MARCHF1: variants seen among roughly 807,000 people sequenced by gnomAD.
MARCHF1 encodes the protein E3 ubiquitin-protein ligase MARCHF1.
A neutral mutation model predicts 54.2 loss-of-function variants in MARCHF1; 40 were observed. The observed-to-expected ratio is 0.74, with a 90% CI of 0.57 to 0.96. MARCHF1 has a LOEUF of 0.96. Ranked by LOEUF, MARCHF1 falls within the 40% of genes least tolerant of loss-of-function variation. MARCHF1 has a pLI of 0.00. For missense variants in MARCHF1, 586 were observed against 656.5 expected, an observed-to-expected ratio of 0.89 and a Z score of 1.17; for synonymous variants, 236 against 236.3, an observed-to-expected ratio of 1.00 and a Z score of 0.01.
intron 1 of MARCHF1, among the ~76,000 whole-genome samples, chr4:164,350,449 T>C (rs1319457554): frequency 2.0e-5 from 3 of 152,174 alleles, no homozygotes; most frequent in African/African-American, 7.2e-5. Context: ...CACCATAGGA[T>C]GAATATATTT....
intron 1 of MARCHF1, among the ~76,000 whole-genome samples, chr4:164,270,231 A>C (rs558784977): frequency 2.0e-5 from 3 of 152,292 alleles, no homozygotes; most frequent in South Asian, 4.1e-4. Context: ...TTGTTACTGC[A>C]TCTGCCTGGA....
At chr4:163,780,101 T>A (rs1015708779) in intron 4 of MARCHF1, among the ~76,000 whole-genome samples, 1 of 152,106 alleles carries the variant, frequency 6.6e-6, no homozygotes, top group Non-Finnish European at 1.5e-5. Context: ...CAGTCAAAAG[T>A]TTACAGATAT....
chr4:163,545,764 C>A, intron 8 of MARCHF1, 21 bp from the exon 9 acceptor site: 2 of 1,609,500 alleles, frequency 1.2e-6, no homozygotes, highest in South Asian at 2.2e-5. Context: ...AAATGAAGGA[C>A]ACAAAACTGA....
chr4:163,882,276 T>C (rs2111246319), intron 3 of MARCHF1, among the ~76,000 whole-genome samples: 1 of 152,348 alleles, frequency 6.6e-6, no homozygotes, highest in South Asian at 2.1e-4. Context: ...TGAATTACTT[T>C]AACCTCTTTT....
At chr4:164,195,081 C>T (rs572698591) in intron 1 of MARCHF1, among the ~76,000 whole-genome samples, 1 of 151,894 alleles carries the variant, frequency 6.6e-6, no homozygotes, top group Non-Finnish European at 1.5e-5. Flanking sequence ...GTTTTCTGCC[C>T]TTGTGTTAGT....
chr4:164,256,655 G>GA (rs764847479), intron 1 of MARCHF1, among the ~76,000 whole-genome samples: 19 of 151,998 alleles, frequency 1.3e-4, no homozygotes, highest in Non-Finnish European at 2.5e-4. Flanking sequence ...AGAATATCAA[G>GA]AAAAATATTA....
At chr4:164,325,541 A>T (rs186082854) in intron 1 of MARCHF1, among the ~76,000 whole-genome samples, 64 of 152,160 alleles carry the variant, frequency 4.2e-4, no homozygotes, top group Non-Finnish European at 7.4e-4. Flanking sequence ...AAGAAAAGGT[A>T]AAACAAAACT....
chr4:163,795,387 G>A (rs980342802), intron 4 of MARCHF1, among the ~76,000 whole-genome samples: 5 of 151,978 alleles, frequency 3.3e-5, no homozygotes, highest in Admixed American at 1.3e-4. Context: ...ACACCACCAG[G>A]CCCAGCTAAT....
intron 3 of MARCHF1, among the ~76,000 whole-genome samples, chr4:163,925,369 T>A (rs1751515021): frequency 6.6e-6 from 1 of 151,834 alleles, no homozygotes; most frequent in South Asian, 2.1e-4. Context: ...CCCAACTCAA[T>A]ACCTGAATGT....
intron 1 of MARCHF1, among the ~76,000 whole-genome samples, chr4:164,215,470 G>A (rs1731903625): frequency 6.6e-6 from 1 of 152,004 alleles, no homozygotes; most frequent in South Asian, 2.1e-4. Context: ...GAGTAGTCTT[G>A]GGAAATGCAA....
intron 1 of MARCHF1, among the ~76,000 whole-genome samples, chr4:164,344,563 A>T (rs1017491956): frequency 2.0e-5 from 3 of 151,844 alleles, no homozygotes; most frequent in South Asian, 2.1e-4. Flanking sequence ...TTGTATATTT[A>T]ATTTTCTGTG....
chr4:164,213,283 G>C (rs1174069221), intron 1 of MARCHF1, among the ~76,000 whole-genome samples: 1 of 150,336 alleles, frequency 6.7e-6, no homozygotes, highest in Non-Finnish European at 1.5e-5. Flanking sequence ...GCCCAGGCTG[G>C]AGTGCAGTGG....
chr4:163,790,335 C>T (rs893148957), intron 4 of MARCHF1, among the ~76,000 whole-genome samples: 11 of 152,006 alleles, frequency 7.2e-5, no homozygotes, highest in Non-Finnish European at 2.9e-5. Context: ...ATGGTAGTGG[C>T]TCTTTTAAAT....
chr4:163,712,396 G>C (rs957410486), intron 4 of MARCHF1, among the ~76,000 whole-genome samples: 3 of 152,032 alleles, frequency 2.0e-5, no homozygotes, highest in Non-Finnish European at 2.9e-5. Context: ...CTGTTACCTG[G>C]AGGCATAAAA....
chr4:164,275,767 C>T (rs1733866187), intron 1 of MARCHF1, among the ~76,000 whole-genome samples: 1 of 152,168 alleles, frequency 6.6e-6, no homozygotes, highest in Admixed American at 6.5e-5. Flanking sequence ...TTTCCCTTTT[C>T]CTTGAGAAGC....
At chr4:163,670,198 G>T (rs1743684637) in intron 5 of MARCHF1, among the ~76,000 whole-genome samples, 1 of 151,984 alleles carries the variant, frequency 6.6e-6, no homozygotes, top group Non-Finnish European at 1.5e-5. Flanking sequence ...AAATCAGAAA[G>T]ATAATTTTAG....
intron 4 of MARCHF1, among the ~76,000 whole-genome samples, chr4:163,847,883 G>A (rs1176443638): frequency 1.3e-5 from 2 of 152,090 alleles, no homozygotes; most frequent in Admixed American, 1.3e-4. Context: ...ACCCGGCTGA[G>A]TTAGTCTTTC....
At chr4:164,064,632 C>A (rs1482303469) in intron 2 of MARCHF1, among the ~76,000 whole-genome samples, 4 of 152,076 alleles carry the variant, frequency 2.6e-5, no homozygotes, top group Non-Finnish European at 5.9e-5. Context: ...ATTTGGATGC[C>A]CTTTATTTCT....
At chr4:163,575,830 C>T (rs1740018083) in intron 8 of MARCHF1, among the ~76,000 whole-genome samples, 1 of 151,928 alleles carries the variant, frequency 6.6e-6, no homozygotes. Context: ...AGTTTGTGTG[C>T]ACAGAGGTGT....
Sources: allele counts gnomAD v4.1 joint callset (sites outside exome capture counted in the v4.1 genomes callset), GRCh38; gene constraint gnomAD v4.1.1; transcripts MANE v1.5; gene names NCBI Gene and HGNC (gene_info 2026-07-23, HGNC 2026-07-21).